MSRA: variants seen among roughly 807,000 people sequenced by gnomAD.
The protein encoded by MSRA is mitochondrial peptide methionine sulfoxide reductase.
MSRA carries 54 observed loss-of-function variants against 31.3 expected under a neutral mutation model. The observed-to-expected ratio is 1.73, with a 90% CI of 1.39 to 2.17. The LOEUF is 2.17. Ranked by LOEUF, MSRA falls within the 30% of genes most tolerant of loss-of-function variation. The probability of loss-of-function intolerance (pLI) is 0.00; values close to 1 mark genes in which losing one functional copy is unlikely to be tolerated. For missense variants in MSRA, 507 were observed against 300.9 expected (o/e 1.69, Z -5.07); for synonymous variants, 169 against 116.5 (o/e 1.45, Z -2.90).
intron 1 of MSRA, among the ~76,000 whole-genome samples, chr8:10,059,632 A>G (rs1339865131): frequency 6.6e-6 from 1 of 152,240 alleles, no homozygotes; most frequent in Non-Finnish European, 1.5e-5. Context: ...ATCACAGTAA[A>G]AAGACTGATA....
intron 1 of MSRA, among the ~76,000 whole-genome samples, chr8:10,079,636 C>A (rs1050590122): frequency 6.6e-6 from 1 of 152,192 alleles, no homozygotes; most frequent in Admixed American, 6.5e-5. Context: ...AGTGTCCCTC[C>A]CCGCACAACA....
chr8:10,361,070 G>A (rs974484448), intron 5 of MSRA, among the ~76,000 whole-genome samples: 4 of 152,218 alleles, frequency 2.6e-5, no homozygotes, highest in African/African-American at 7.2e-5. Context: ...TTGGTGGCCC[G>A]TTTCCATGCC....
intron 3 of MSRA, among the ~76,000 whole-genome samples, chr8:10,286,225 A>C (rs1002528738): frequency 6.6e-6 from 1 of 152,126 alleles, no homozygotes; most frequent in African/African-American, 2.4e-5. Context: ...CCGTTTTTCA[A>C]CATTGATATG....
chr8:10,260,542 A>G (rs1288942485), intron 3 of MSRA, among the ~76,000 whole-genome samples: 2 of 152,202 alleles, frequency 1.3e-5, no homozygotes, highest in African/African-American at 2.4e-5. Flanking sequence ...CAACAGATGG[A>G]CAAGTCATTG....
At chr8:10,244,480 T>C (rs951224293) in intron 2 of MSRA, among the ~76,000 whole-genome samples, 7 of 152,322 alleles carry the variant, frequency 4.6e-5, no homozygotes, top group African/African-American at 1.4e-4. Flanking sequence ...TGTCATTCTC[T>C]CCCTGCCTCC....
chr8:10,366,505 C>T (rs891925243), intron 5 of MSRA, among the ~76,000 whole-genome samples: 2 of 152,212 alleles, frequency 1.3e-5, no homozygotes, highest in African/African-American at 4.8e-5. Context: ...AGGCATGCTG[C>T]CTGCTCAGCT....
chr8:10,283,129 T>TACACACACACACAC (rs66507479), intron 3 of MSRA, among the ~76,000 whole-genome samples: 102 of 138,472 alleles, frequency 7.4e-4, no homozygotes, highest in Middle Eastern at 3.6e-3. Flanking sequence ...ATATTCACAT[T>TACACACACACACAC]ACACACACAC....
chr8:10,170,044 T>A (rs1482097860), intron 1 of MSRA, among the ~76,000 whole-genome samples: 2 of 131,692 alleles, frequency 1.5e-5, no homozygotes, highest in East Asian at 2.0e-4. Flanking sequence ...TGGCTAATAT[T>A]TTTTTTTTTT....
intron 1 of MSRA, among the ~76,000 whole-genome samples, chr8:10,079,865 C>G (rs972325695): frequency 1.3e-5 from 2 of 152,170 alleles, no homozygotes; most frequent in African/African-American, 2.4e-5. Context: ...CAGCTTTGAG[C>G]TATTTACCTA....
chr8:10,392,178 CT>C (rs763358406), intron 5 of MSRA, among the ~76,000 whole-genome samples: 2 of 152,192 alleles, frequency 1.3e-5, no homozygotes, highest in Non-Finnish European at 2.9e-5. Context: ...ACCTGCTAGA[CT>C]AGGTCAGGGG....
chr8:10,108,397 C>G (rs1800040406), intron 1 of MSRA, among the ~76,000 whole-genome samples: 1 of 152,368 alleles, frequency 6.6e-6, no homozygotes, highest in East Asian at 1.9e-4. Context: ...GTGACTCCCA[C>G]TGACTTGCAC....
At chr8:10,231,037 T>C (rs1486011905) in intron 2 of MSRA, among the ~76,000 whole-genome samples, 1 of 152,128 alleles carries the variant, frequency 6.6e-6, no homozygotes, top group Non-Finnish European at 1.5e-5. Flanking sequence ...CCCCCCACCT[T>C]GGCCTCCCAA....
intron 5 of MSRA, among the ~76,000 whole-genome samples, chr8:10,334,474 G>A (rs1038993716): frequency 1.3e-5 from 2 of 152,046 alleles, no homozygotes; most frequent in Non-Finnish European, 2.9e-5. Flanking sequence ...TTTCTGTGGC[G>A]CCAAGAGTGA....
intron 5 of MSRA, among the ~76,000 whole-genome samples, chr8:10,400,977 A>G (rs1395790090): frequency 6.6e-6 from 1 of 152,238 alleles, no homozygotes; most frequent in Non-Finnish European, 1.5e-5. Flanking sequence ...TTTAATGCAG[A>G]TCTCTGATGG....
At chr8:10,061,692 C>G (rs1013962659) in intron 1 of MSRA, among the ~76,000 whole-genome samples, 1 of 152,134 alleles carries the variant, frequency 6.6e-6, no homozygotes, top group African/African-American at 2.4e-5. Context: ...GAAATGTCAT[C>G]TTTTCGTGTG....
intron 5 of MSRA, among the ~76,000 whole-genome samples, chr8:10,368,258 A>T (rs1182657182): frequency 6.6e-6 from 1 of 152,244 alleles, no homozygotes; most frequent in East Asian, 1.9e-4. Context: ...GCATTTTTAC[A>T]GAGTGAGTCA....
At chr8:10,358,981 A>T (rs1054090317) in intron 5 of MSRA, among the ~76,000 whole-genome samples, 1 of 152,090 alleles carries the variant, frequency 6.6e-6, no homozygotes, top group African/African-American at 2.4e-5. Context: ...ACGCCTGATG[A>T]TCTGAAGTGA....
chr8:10,381,595 G>A (rs549510691), intron 5 of MSRA, among the ~76,000 whole-genome samples: 8 of 152,194 alleles, frequency 5.3e-5, no homozygotes, highest in Non-Finnish European at 8.8e-5. Flanking sequence ...AGGTGGGAAC[G>A]AACACACATG....
chr8:10,068,185 A>G (rs1239387252), intron 1 of MSRA, among the ~76,000 whole-genome samples: 3 of 152,038 alleles, frequency 2.0e-5, no homozygotes, highest in African/African-American at 2.4e-5. Flanking sequence ...TGAGTGGCCT[A>G]TTGTTGAGTT....
Sources: allele counts gnomAD v4.1 joint callset (sites outside exome capture counted in the v4.1 genomes callset), GRCh38; gene constraint gnomAD v4.1.1; transcripts MANE v1.5; gene names NCBI Gene and HGNC (gene_info 2026-07-23, HGNC 2026-07-21).